The following SAMSN1 variants were observed in gnomAD, a reference collection of about 807,000 sequenced individuals.
The protein encoded by SAMSN1 is SAM domain, SH3 domain and nuclear localization signals 1, also known as SAM domain-containing protein SAMSN-1.
SAMSN1 carries 31 observed loss-of-function variants against 42.0 expected under a neutral mutation model. The observed-to-expected ratio is 0.74, with a 90% CI of 0.55 to 1.00. The LOEUF is 1.00. SAMSN1 is among the 50% of genes least tolerant of loss of function. SAMSN1 has a pLI of 0.00. For missense variants in SAMSN1, 464 were observed against 439.4 expected, an observed-to-expected ratio of 1.06 and a Z score of -0.50; for synonymous variants, 178 against 151.9, an observed-to-expected ratio of 1.17 and a Z score of -1.26.
intron 2 of SAMSN1, among the ~76,000 whole-genome samples, chr21:14,636,400 C>T (rs1983467861): frequency 6.6e-6 from 1 of 152,196 alleles, no homozygotes; most frequent in South Asian, 2.1e-4. Flanking sequence ...CCCACTGCCA[C>T]CGCACACACT....
chr21:14,492,279 G>C (rs148189878), intron 7 of SAMSN1, among the ~76,000 whole-genome samples: 51 of 152,262 alleles, frequency 3.3e-4, no homozygotes, highest in Non-Finnish European at 6.3e-4. Context: ...TGCATGGTTA[G>C]CATATTCATA....
intron 1 of SAMSN1, chr21:14,582,599 A>G: frequency 2.3e-6 from 1 of 436,632 alleles, no homozygotes; most frequent in Non-Finnish European, 4.1e-6. Context: ...TAAACCAAGA[A>G]GTCATTCAAT....
At chr21:14,629,078 A>G (rs533672362) in intron 2 of SAMSN1, among the ~76,000 whole-genome samples, 5 of 152,270 alleles carry the variant, frequency 3.3e-5, no homozygotes, top group Admixed American at 6.5e-5. Flanking sequence ...TCCAAAATCT[A>G]CTGATCATCT....
intron 2 of SAMSN1, among the ~76,000 whole-genome samples, chr21:14,618,648 A>C: frequency 7.6e-6 from 1 of 132,054 alleles, no homozygotes. Flanking sequence ...TTAGAACCAC[A>C]GCTGTGTATG....
intron 7 of SAMSN1, among the ~76,000 whole-genome samples, chr21:14,593,227 A>G (rs1436605924): frequency 6.6e-6 from 1 of 152,158 alleles, no homozygotes. Context: ...ATAAAGAAAC[A>G]TGATTTACTA....
At chr21:14,600,228 G>A (rs1010812767) in intron 6 of SAMSN1, among the ~76,000 whole-genome samples, 2 of 152,158 alleles carry the variant, frequency 1.3e-5, no homozygotes, top group Admixed American at 1.3e-4. Flanking sequence ...ATTTGACAGT[G>A]GCTGCCTCTC....
chr21:14,516,419 A>G (rs917639707), intron 3 of SAMSN1, among the ~76,000 whole-genome samples: 1 of 151,674 alleles, frequency 6.6e-6, no homozygotes, highest in African/African-American at 2.4e-5. Flanking sequence ...TTGAGACGCC[A>G]TCTTGCTCTG....
intron 2 of SAMSN1, among the ~76,000 whole-genome samples, chr21:14,637,453 A>T (rs1278550866): frequency 1.3e-5 from 2 of 152,222 alleles, no homozygotes; most frequent in Admixed American, 6.5e-5. Flanking sequence ...TATTTTGACA[A>T]CTAGAATAAC....
chr21:14,535,682 A>G (rs942183188), intron 1 of SAMSN1, among the ~76,000 whole-genome samples: 1 of 152,184 alleles, frequency 6.6e-6, no homozygotes, highest in Non-Finnish European at 1.5e-5. Context: ...TTATAAGATG[A>G]TGTTTGGACA....
In SAMSN1 at chr21:14,500,602, A is replaced by C. The variant is rs764302796; in HGVS notation, c.695T>G (p.Ile232Arg). Residue 232 changes from isoleucine to arginine, a missense_variant, in exon 6 of 8, where the codon ATA becomes AGA. Coordinates refer to ENST00000400566, the MANE Select transcript of SAMSN1 (RefSeq NM_022136.5). ...ISEEEAAPKK[I>R]KANRRSNSKK... The stretch of plus-strand genomic sequence containing the variant: ...GCTGTTACTCCTTCGGTTTGCCTTT[A>C]TTTTCTTGGGGGCTGCTTCCTCTTC... 2 of 1,613,828 alleles carry C rather than the reference A, an allele frequency of 1.2e-6. No individual in the cohort carries two copies. Among genetic ancestry groups the C allele is most frequent in the Non-Finnish European group, 8.5e-7 (1 of 1,179,986 alleles).
At chr21:14,590,268 T>TTC (rs1555840637) in intron 7 of SAMSN1, among the ~76,000 whole-genome samples, 1 of 150,834 alleles carries the variant, frequency 6.6e-6, no homozygotes, top group South Asian at 2.1e-4. Flanking sequence ...TTGGGAGAAT[T>TTC]TTTTTTTCTT....
At chr21:14,644,335 T>A (rs1263178507) in intron 1 of SAMSN1, among the ~76,000 whole-genome samples, 1 of 151,452 alleles carries the variant, frequency 6.6e-6, no homozygotes, top group Non-Finnish European at 1.5e-5. Flanking sequence ...AGCTCAGCCA[T>A]AGCATAATAG....
chr21:14,571,303 T>A (rs528900904), intron 2 of SAMSN1, among the ~76,000 whole-genome samples: 1 of 152,220 alleles, frequency 6.6e-6, no homozygotes, highest in Non-Finnish European at 1.5e-5. Flanking sequence ...CAGTTCTTGA[T>A]TTTAACGTAT....
At chr21:14,619,014 A>C (rs1407948601) in intron 2 of SAMSN1, among the ~76,000 whole-genome samples, 1 of 152,224 alleles carries the variant, frequency 6.6e-6, no homozygotes, top group Non-Finnish European at 1.5e-5. Context: ...AAACATTTCC[A>C]AGCTATGTTA....
chr21:14,651,337 G>A (rs141866424), intron 1 of SAMSN1, among the ~76,000 whole-genome samples: 681 of 151,936 alleles, frequency 4.5e-3, no homozygotes, highest in South Asian at 0.015. Flanking sequence ...ATCATTCATC[G>A]TCCAAGTGAG....
intron 5 of SAMSN1, among the ~76,000 whole-genome samples, chr21:14,606,866 T>C (rs1982583289): frequency 6.6e-6 from 1 of 152,234 alleles, no homozygotes; most frequent in Non-Finnish European, 1.5e-5. Context: ...AGTCATGTTG[T>C]TGAGCTATGG....
intron 5 of SAMSN1, among the ~76,000 whole-genome samples, chr21:14,508,826 T>A (rs1987543491): frequency 6.6e-6 from 1 of 151,764 alleles, no homozygotes; most frequent in Non-Finnish European, 1.5e-5. Flanking sequence ...AATCAGTGAG[T>A]GGATAAAGAA....
chr21:14,582,541 G>T, intron 1 of SAMSN1: 1 of 651,714 alleles, frequency 1.5e-6, no homozygotes, highest in African/African-American at 1.8e-5. Context: ...TTCACATATA[G>T]GAATTATTCT....
chr21:14,604,684 C>T (rs1043225411), intron 5 of SAMSN1, among the ~76,000 whole-genome samples: 17 of 152,240 alleles, frequency 1.1e-4, no homozygotes, highest in African/African-American at 4.1e-4. Context: ...CACTTGAAAC[C>T]CAACCCTGAG....
Sources: allele counts gnomAD v4.1 joint callset (sites outside exome capture counted in the v4.1 genomes callset), GRCh38; gene constraint gnomAD v4.1.1; transcripts MANE v1.5; gene names NCBI Gene and HGNC (gene_info 2026-07-23, HGNC 2026-07-21).